ANKRD6: variants seen among roughly 807,000 people sequenced by gnomAD.
ANKRD6 encodes the protein ankyrin repeat domain 6.
A neutral mutation model predicts 82.3 loss-of-function variants in ANKRD6; 56 were observed. That is an observed-to-expected ratio of 0.68 (90% CI 0.55 to 0.85). The LOEUF is 0.85. Ranked by LOEUF, ANKRD6 falls within the 40% of genes least tolerant of loss-of-function variation. The probability of loss-of-function intolerance (pLI) is 0.00; values close to 1 mark genes in which losing one functional copy is unlikely to be tolerated. For synonymous variants in ANKRD6, 347 were observed against 352.1 expected, an observed-to-expected ratio of 0.99 and a Z score of 0.16; for missense variants, 852 against 907.6, an observed-to-expected ratio of 0.94 and a Z score of 0.79.
intron 1 of ANKRD6, among the ~76,000 whole-genome samples, chr6:89,500,713 G>A (rs116577905): frequency 0.016 from 2,396 of 152,268 alleles, 70 homozygotes; most frequent in African/African-American, 0.054. Flanking sequence ...TTTGGAAATT[G>A]TAAATAGCTA....
At chr6:89,586,580 G>A (rs1382782179) in intron 2 of ANKRD6, among the ~76,000 whole-genome samples, 1 of 152,076 alleles carries the variant, frequency 6.6e-6, no homozygotes, top group East Asian at 1.9e-4. Context: ...CCAGCTACTC[G>A]GGAGGCTGAG....
chr6:89,464,377 T>C (rs1056239490), intron 1 of ANKRD6, among the ~76,000 whole-genome samples: 1 of 152,228 alleles, frequency 6.6e-6, no homozygotes, highest in African/African-American at 2.4e-5. Flanking sequence ...CCCTCTAGGA[T>C]ACAGAAAACG....
At chr6:89,544,095 C>T (rs1011298233) in intron 1 of ANKRD6, among the ~76,000 whole-genome samples, 5 of 152,224 alleles carry the variant, frequency 3.3e-5, no homozygotes, top group Non-Finnish European at 5.9e-5. Flanking sequence ...AGCGACCTCT[C>T]GGCCCTCCTG....
chr6:89,543,391 T>A (rs796368171), intron 1 of ANKRD6, among the ~76,000 whole-genome samples: 5 of 152,326 alleles, frequency 3.3e-5, no homozygotes, highest in African/African-American at 1.2e-4. Context: ...AAGGTGCTTC[T>A]GTGGACCTAC....
Position 89,467,210 on chromosome 6 carries a change from CTTTGTTAAA to C in ANKRD6, c.-144+33838_-144+33846del, listed in dbSNP as rs542201089. On this transcript the variant is annotated intron_variant, in intron 1 of 15. Transcript: ENST00000339746. ...AAAAAAAAAGACTTAGTTTCAACAA[CTTTGTTAAA>C]TTAAGGTTGGTCAATTAAGCTTCAT... Among the ~76,000 whole-genome samples, 504 of 151,976 alleles carry C rather than the reference CTTTGTTAAA, an allele frequency of 3.3e-3. 4 individuals are homozygous for C. The highest frequency in any genetic ancestry group is 0.012 in the African/African-American group (477 of 41,448).
intron 1 of ANKRD6, among the ~76,000 whole-genome samples, chr6:89,551,345 C>G (rs1785819405): frequency 6.6e-6 from 1 of 152,202 alleles, no homozygotes; most frequent in Non-Finnish European, 1.5e-5. Context: ...TTCTGTCACC[C>G]TCTTCCCACC....
At chr6:89,513,570 T>C (rs532343562) in intron 1 of ANKRD6, among the ~76,000 whole-genome samples, 5 of 152,396 alleles carry the variant, frequency 3.3e-5, no homozygotes, top group Non-Finnish European at 5.9e-5. Flanking sequence ...TACATTCTTA[T>C]GTAGTATGAA....
intron 2 of ANKRD6, among the ~76,000 whole-genome samples, chr6:89,577,071 T>G (rs1562891756): frequency 6.6e-6 from 1 of 152,038 alleles, no homozygotes; most frequent in Non-Finnish European, 1.5e-5. Flanking sequence ...GGCATCTTTA[T>G]GTGCAGAATC....
intron 1 of ANKRD6, chr6:89,509,132 G>C (rs1053275143): frequency 6.6e-6 from 1 of 152,308 alleles, no homozygotes; most frequent in African/African-American, 2.4e-5. Flanking sequence ...TTCCTTTGAA[G>C]TGCACCAGTG....
Position 89,507,944 on chromosome 6 carries a change from G to A in ANKRD6, c.-143-58890G>A, listed in dbSNP as rs933394553. Among the ~76,000 whole-genome samples the A allele has an allele frequency of 1.3e-5, 2 of 151,980 alleles. 1 individual carries two copies. Among genetic ancestry groups the A allele is most frequent in the African/African-American group, 4.8e-5 (2 of 41,366 alleles). ...GATCCAGCTGCCAGTTTTATATTAT[G>A]CAGCCTACACTTTTCCCCCCAAGTT... On this transcript the variant is annotated intron_variant, in intron 1 of 15. Transcript: ENST00000339746.
Position 89,563,907 on chromosome 6 carries a change from A to C in ANKRD6, c.-143-2927A>C, listed in dbSNP as rs926731797. Among the ~76,000 whole-genome samples, 3 of 152,048 alleles carry C rather than the reference A, an allele frequency of 2.0e-5. 1 individual carries two copies. Among genetic ancestry groups the C allele is most frequent in the Admixed American group, 1.3e-4 (2 of 15,276 alleles). On this transcript the variant is annotated intron_variant, in intron 1 of 15. Coordinates refer to ENST00000339746, the MANE Select transcript of ANKRD6 (RefSeq NM_001242809.2). ...GAGGTGGTGTCTCTGCTTGGCCTGC[A>C]CCTGGTATCTCTGCTGGGCCTGCAC...
intron 2 of ANKRD6, among the ~76,000 whole-genome samples, chr6:89,591,429 CTT>C (rs2128140983): frequency 6.6e-6 from 1 of 152,274 alleles, no homozygotes; most frequent in South Asian, 2.1e-4. Context: ...AATACATGGT[CTT>C]TTCTCCTGTT....
intron 2 of ANKRD6, among the ~76,000 whole-genome samples, chr6:89,591,882 A>G (rs906584088): frequency 1.1e-4 from 17 of 152,192 alleles, no homozygotes; most frequent in African/African-American, 3.9e-4. Flanking sequence ...TGTGCAGGGA[A>G]CACAGCCCCT....
intron 1 of ANKRD6, among the ~76,000 whole-genome samples, chr6:89,528,171 A>G (rs1163565028): frequency 6.6e-6 from 1 of 152,216 alleles, no homozygotes; most frequent in Non-Finnish European, 1.5e-5. Flanking sequence ...CTTCTTTCAC[A>G]AAAGATTTCT....
intron 12 of ANKRD6, 138 bp from the exon 13 acceptor site, chr6:89,624,401 C>A: frequency 8.4e-7 from 1 of 1,186,560 alleles, no homozygotes; most frequent in Non-Finnish European, 1.2e-6. Context: ...TAAGATGTTC[C>A]AAAGTTATGA....
At chr6:89,440,809 A>G (rs541165533) in intron 1 of ANKRD6, among the ~76,000 whole-genome samples, 7 of 151,816 alleles carry the variant, frequency 4.6e-5, no homozygotes, top group Non-Finnish European at 7.4e-5. Flanking sequence ...CCATCTCGAA[A>G]AAAAAAAAAA....
At chr6:89,447,312 G>C (rs938082898) in intron 1 of ANKRD6, among the ~76,000 whole-genome samples, 4 of 152,158 alleles carry the variant, frequency 2.6e-5, no homozygotes, top group African/African-American at 4.8e-5. Context: ...AAGTGAAACA[G>C]CCTTATTGTT....
At chr6:89,611,123 G>A (rs1321670762) in intron 5 of ANKRD6, among the ~76,000 whole-genome samples, 1 of 152,030 alleles carries the variant, frequency 6.6e-6, no homozygotes, top group Non-Finnish European at 1.5e-5. Flanking sequence ...TTGGAGCTAA[G>A]GTGAAGAGAA....
intron 1 of ANKRD6, among the ~76,000 whole-genome samples, chr6:89,438,064 G>A (rs2127927281): frequency 6.6e-6 from 1 of 152,300 alleles, no homozygotes; most frequent in Admixed American, 6.5e-5. Context: ...ATGGTAACCT[G>A]CAAGCTCTTC....
Sources: allele counts gnomAD v4.1 joint callset (sites outside exome capture counted in the v4.1 genomes callset), GRCh38; gene constraint gnomAD v4.1.1; transcripts MANE v1.5; gene names NCBI Gene and HGNC (gene_info 2026-07-23, HGNC 2026-07-21).